WNT3A: variants seen among roughly 807,000 people sequenced by gnomAD.
WNT3A encodes the protein protein Wnt-3a.
A neutral mutation model predicts 37.0 loss-of-function variants in WNT3A; 17 were observed. That is an observed-to-expected ratio of 0.46 (90% CI 0.31 to 0.69). WNT3A has a LOEUF of 0.69. Among genes scored for constraint, WNT3A ranks in the 30% least tolerant of loss-of-function variants. The pLI, the probability that WNT3A is intolerant of heterozygous loss-of-function variation, is 0.05. For missense variants in WNT3A, 411 were observed against 510.2 expected, an observed-to-expected ratio of 0.81 and a Z score of 1.87; for synonymous variants, 187 against 211.0, an observed-to-expected ratio of 0.89 and a Z score of 0.99.
At chr1:228,033,128 T>C (rs1174336397) in intron 2 of WNT3A, among the ~76,000 whole-genome samples, 1 of 152,210 alleles carries the variant, frequency 6.6e-6, no homozygotes, top group Non-Finnish European at 1.5e-5. Context: ...CTGTGGGTTG[T>C]CTTTTCACTT....
chr1:228,049,664 C>T (rs1460026782), intron 2 of WNT3A, among the ~76,000 whole-genome samples: 1 of 152,162 alleles, frequency 6.6e-6, no homozygotes, highest in Non-Finnish European at 1.5e-5. Flanking sequence ...ACACTTGCTA[C>T]TCTTTGACTC....
intron 1 of WNT3A, among the ~76,000 whole-genome samples, chr1:228,015,705 C>T (rs1242998313): frequency 6.7e-6 from 1 of 148,834 alleles, no homozygotes; most frequent in Non-Finnish European, 1.5e-5. Context: ...CCACCCCCGC[C>T]TCCCCCCCAC....
In WNT3A at chr1:228,060,393, C is replaced by T; in HGVS notation, c.*928C>T. 1.0e-6 allele frequency: 1 copy of T among 1,004,426 alleles called. No individual in the cohort carries two copies. Among genetic ancestry groups the T allele is most frequent in the South Asian group, 1.3e-5 (1 of 74,314 alleles). The allele number at this position is 1,004,426 out of a possible 1,614,324, so 62.2% of individuals were successfully genotyped here. On this transcript the variant is annotated 3_prime_UTR_variant, in exon 4 of 4. Coordinates refer to ENST00000284523, the MANE Select transcript of WNT3A (RefSeq NM_033131.4). ...TGGAATGCTCCAGGCGCGCCGACGC[C>T]TGTGCCACCCCTTCCTCAGCCTGGG...
At chr1:228,013,471 G>T (rs972202880) in intron 1 of WNT3A, among the ~76,000 whole-genome samples, 1 of 152,204 alleles carries the variant, frequency 6.6e-6, no homozygotes, top group Non-Finnish European at 1.5e-5. Context: ...GCGTGGCCGC[G>T]GGCACAGGAG....
intron 2 of WNT3A, among the ~76,000 whole-genome samples, chr1:228,035,102 G>T (rs1571804255): frequency 6.6e-6 from 1 of 152,192 alleles, no homozygotes. Flanking sequence ...TAAGGACAAT[G>T]GTGCATGACT....
intron 3 of WNT3A, among the ~76,000 whole-genome samples, chr1:228,053,561 A>G (rs1457663472): frequency 6.6e-6 from 1 of 152,228 alleles, no homozygotes; most frequent in Non-Finnish European, 1.5e-5. Context: ...ACATTCACAT[A>G]CATACATCCA....
At position 228,059,817 on chromosome 1, in the gene WNT3A, G is replaced by A. The variant is rs1558297714; in HGVS notation, c.*352G>A. 7 of 1,094,476 alleles carry A rather than the reference G, an allele frequency of 6.4e-6. No individual in the cohort carries two copies. The South Asian group carries it at 1.3e-4, about 21-fold the overall frequency. The allele number at this position is 1,094,476 out of a possible 1,614,324, so 67.8% of individuals were successfully genotyped here. ...GTGGGACAGGGCTTCTCCTGCGGGG[G>A]CGAGGCCCCTCCCAGTAAGGGCGTG... On this transcript the variant is annotated 3_prime_UTR_variant, in exon 4 of 4. Transcript: ENST00000284523.
chr1:228,058,977 G>C lies in WNT3A; in HGVS notation c.580-9G>C. The C allele has an allele frequency of 2.5e-6, 4 of 1,602,222 alleles. No individual in the cohort carries two copies. In the South Asian group the frequency reaches 4.4e-5, roughly 18 times the overall value. On this transcript the variant is annotated splice_polypyrimidine_tract_variant and intron_variant, in intron 3 of 3. Transcript: ENST00000284523. ...CGCCCTGACGCTGGCTCCTGCGCGTGCCCCGCAGGCCATCGCCAGCCACAT... is the reference window on the plus strand; with the variant it reads ...CGCCCTGACGCTGGCTCCTGCGCGTCCCCCGCAGGCCATCGCCAGCCACAT...
intron 2 of WNT3A, among the ~76,000 whole-genome samples, chr1:228,025,923 AT>A (rs36103582): frequency 0.16 from 21,267 of 132,730 alleles, 2,240 homozygotes; most frequent in African/African-American, 0.33. Flanking sequence ...AATTTTTTGT[AT>A]TTTTTTTTTT....
intron 3 of WNT3A, among the ~76,000 whole-genome samples, chr1:228,052,060 A>G (rs1281023048): frequency 6.6e-6 from 1 of 152,224 alleles, no homozygotes; most frequent in Non-Finnish European, 1.5e-5. Flanking sequence ...AAACCGTATC[A>G]GGCACGAATC....
intron 2 of WNT3A, among the ~76,000 whole-genome samples, chr1:228,027,270 C>A (rs1177327286): frequency 2.0e-5 from 3 of 152,216 alleles, no homozygotes; most frequent in Non-Finnish European, 4.4e-5. Context: ...ATAATGACTT[C>A]TTTTCCTTTG....
In WNT3A at chr1:228,007,052, G is replaced by C. The variant is rs1304395228; in HGVS notation, c.-77G>C. On this transcript the variant is annotated 5_prime_UTR_variant, in exon 1 of 4. Coordinates refer to ENST00000284523, the MANE Select transcript of WNT3A (RefSeq NM_033131.4). The surrounding 1 kb of genome is among the most constrained non-coding windows in gnomAD (Gnocchi z 6.0). Reference sequence around the variant, plus strand: ...AGGGCCCAGCGACGCCGCCGCGCCAGCTCCCAGGGCCCGGCCCCCCCCGGC... The same window carrying C: ...AGGGCCCAGCGACGCCGCCGCGCCACCTCCCAGGGCCCGGCCCCCCCCGGC... 6 of 1,143,856 alleles carry C rather than the reference G, an allele frequency of 5.2e-6. No individual in the cohort carries two copies. Among genetic ancestry groups the C allele is most frequent in the African/African-American group, 3.3e-5 (2 of 59,800 alleles). The allele number at this position is 1,143,856 out of a possible 1,614,324, so 70.9% of individuals were successfully genotyped here. A position where few individuals can be genotyped will look rare whatever the true frequency, so the allele number is the denominator to read the frequency against.
chr1:228,013,540 G>A (rs2030438828), intron 1 of WNT3A, among the ~76,000 whole-genome samples: 1 of 152,228 alleles, frequency 6.6e-6, no homozygotes, highest in Non-Finnish European at 1.5e-5. Flanking sequence ...CTGGGCCGGC[G>A]GGCAGGAGGA....
chr1:228,034,402 G>A (rs928125771), intron 2 of WNT3A, among the ~76,000 whole-genome samples: 2 of 152,128 alleles, frequency 1.3e-5, no homozygotes, highest in Non-Finnish European at 2.9e-5. Context: ...GGCTTTCTAC[G>A]TATAAGATAG....
rs930663478 is a variant in WNT3A at position 228,042,128 on chromosome 1, G to A, written c.314-8528G>A. On this transcript the variant is annotated intron_variant, in intron 2 of 3. Coordinates refer to ENST00000284523, the MANE Select transcript of WNT3A (RefSeq NM_033131.4). This position sits in a 1 kb window ranked among gnomAD's most constrained non-coding sequence, Gnocchi z 5.2. ...TGAGTAGCTGGCACTACAGGTGCAC[G>A]CCACCATGCCCCGCTGATTTTTGTA... is the stretch of plus-strand genomic sequence containing the variant. Among the ~76,000 whole-genome samples, 4 of 152,098 alleles carry A rather than the reference G, an allele frequency of 2.6e-5. No individual in the cohort carries two copies. Among genetic ancestry groups the A allele is most frequent in the African/African-American group, 4.8e-5 (2 of 41,404 alleles).
chr1:228,060,290 G>A lies in WNT3A; in HGVS notation c.*825G>A, dbSNP rs766463625. On this transcript the variant is annotated 3_prime_UTR_variant, in exon 4 of 4. Coordinates refer to ENST00000284523, the MANE Select transcript of WNT3A (RefSeq NM_033131.4). ...GTTCCATCCACCCCTGCGTCGAGCT[G>A]GGAAGGTTCCATGAAGCGAGTCGGG... 5.9e-6 allele frequency: 8 copies of A among 1,351,568 alleles called. No homozygotes were observed. In the South Asian group the frequency reaches 9.1e-5, roughly 15 times the overall value. 83.7% of individuals were successfully genotyped at this position (1,351,568 alleles called of 1,614,324 possible).
At position 228,031,126 on chromosome 1, in the gene WNT3A, G is replaced by A. The variant is rs1391401402; in HGVS notation, c.313+8218G>A. On this transcript the variant is annotated intron_variant, in intron 2 of 3. Coordinates refer to ENST00000284523, the MANE Select transcript of WNT3A (RefSeq NM_033131.4). The surrounding 1 kb of genome is among the most constrained non-coding windows in gnomAD (Gnocchi z 4.8). ...TCACGGGCCTGTGTTCTTCAGGCGT[G>A]GGGAAGGCACCGTGGGGCAGAGAGT... 6.6e-6 allele frequency among the ~76,000 whole-genome samples: 1 copy of A among 152,222 alleles called. No homozygotes were observed. Among genetic ancestry groups the A allele is most frequent in the Non-Finnish European group, 1.5e-5 (1 of 68,040 alleles).
chr1:228,013,530 C>A (rs918212735), intron 1 of WNT3A, among the ~76,000 whole-genome samples: 1 of 152,234 alleles, frequency 6.6e-6, no homozygotes, highest in Non-Finnish European at 1.5e-5. Context: ...GTAATCCCAG[C>A]TGGGCCGGCG....
At chr1:228,056,445 A>G (rs1244207926) in intron 3 of WNT3A, among the ~76,000 whole-genome samples, 2 of 152,246 alleles carry the variant, frequency 1.3e-5, no homozygotes, top group African/African-American at 4.8e-5. Flanking sequence ...AAGAGCTCTT[A>G]GAAATTAAAA....
Sources: gnomAD v4.1 joint callset for allele counts (sites outside exome capture counted in the v4.1 genomes callset) on GRCh38, gnomAD v4.1.1 for gene constraint, Gnocchi (gnomAD v3.1) non-coding constraint, MANE v1.5 for transcripts, NCBI Gene and HGNC (gene_info 2026-07-23, HGNC 2026-07-21) for gene names.